Variants in MYRIP observed in about 807,000 individuals in gnomAD.
The protein encoded by MYRIP is rab effector MyRIP.
A neutral mutation model predicts 98.0 loss-of-function variants in MYRIP; 49 were observed. The observed-to-expected ratio is 0.50, with a 90% CI of 0.40 to 0.63. MYRIP has a LOEUF of 0.63. Ranked by LOEUF, MYRIP falls within the 30% of genes least tolerant of loss-of-function variation. The probability of loss-of-function intolerance (pLI) is 0.00; values close to 1 mark genes in which losing one functional copy is unlikely to be tolerated. For synonymous variants in MYRIP, 404 were observed against 409.5 expected (o/e 0.99, Z 0.16); for missense variants, 1,004 against 1,058.2 (o/e 0.95, Z 0.71).
At chr3:39,928,706 A>G (rs1944472832) in intron 2 of MYRIP, among the ~76,000 whole-genome samples, 1 of 151,950 alleles carries the variant, frequency 6.6e-6, no homozygotes, top group African/African-American at 2.4e-5. Context: ...AGCATGTACA[A>G]AAAACCTACA....
rs372208249 is a variant in MYRIP at position 40,216,041 on chromosome 3, T to C, written c.1905+5948T>C. ...CTGCCAGGCCAGGAAGATAGAGTTC[T>C]AGGTTCTCTTTTGGATCTTCAAAAG... On this transcript the variant is annotated intron_variant, in intron 11 of 16. Coordinates refer to ENST00000302541, the MANE Select transcript of MYRIP (RefSeq NM_015460.4). 3.7e-4 allele frequency among the ~76,000 whole-genome samples: 57 copies of C among 152,368 alleles called. 1 individual carries two copies. The highest frequency in any genetic ancestry group is 1.3e-3 in the African/African-American group (55 of 41,592).
At chr3:40,107,173 T>G (rs1949065206) in intron 3 of MYRIP, among the ~76,000 whole-genome samples, 1 of 152,190 alleles carries the variant, frequency 6.6e-6, no homozygotes, top group African/African-American at 2.4e-5. Flanking sequence ...CTGCAAGTAG[T>G]TATTGAATAC....
At chr3:40,186,638 C>G (rs1018707061) in intron 9 of MYRIP, among the ~76,000 whole-genome samples, 1 of 152,156 alleles carries the variant, frequency 6.6e-6, no homozygotes, top group Non-Finnish European at 1.5e-5. Flanking sequence ...CTGGGGCAGG[C>G]AACACAGGCT....
intron 2 of MYRIP, among the ~76,000 whole-genome samples, chr3:39,911,136 A>C (rs973323913): frequency 1.3e-5 from 2 of 152,248 alleles, no homozygotes; most frequent in Non-Finnish European, 2.9e-5. Flanking sequence ...CAAATACTTC[A>C]TGACCTTTGA....
At chr3:39,994,368 C>A (rs1946276738) in intron 2 of MYRIP, among the ~76,000 whole-genome samples, 1 of 152,252 alleles carries the variant, frequency 6.6e-6, no homozygotes, top group African/African-American at 2.4e-5. Flanking sequence ...ATGGTCTTAG[C>A]AAATGGCACA....
chr3:40,210,240 G>T (rs1300520606), intron 11 of MYRIP, 147 bp downstream of exon 11: 1 of 1,026,804 alleles, frequency 9.7e-7, no homozygotes, highest in Non-Finnish European at 1.4e-6. Context: ...GAGCCTAAGA[G>T]AACCCTTCTT....
chr3:40,166,579 C>T (rs868248437), intron 5 of MYRIP, among the ~76,000 whole-genome samples: 32 of 151,994 alleles, frequency 2.1e-4, no homozygotes, highest in African/African-American at 6.8e-4. Context: ...GGAACCAGCT[C>T]AGTTATGGAG....
chr3:40,157,898 T>C (rs1256150518), intron 4 of MYRIP, among the ~76,000 whole-genome samples: 1 of 152,206 alleles, frequency 6.6e-6, no homozygotes, highest in Non-Finnish European at 1.5e-5. Flanking sequence ...TTTTCTTTAT[T>C]AGTCTTGCTA....
chr3:40,158,461 A>T (rs1950295492), intron 4 of MYRIP, among the ~76,000 whole-genome samples: 1 of 152,228 alleles, frequency 6.6e-6, no homozygotes, highest in African/African-American at 2.4e-5. Flanking sequence ...GCTGAAAAAA[A>T]TGTATATTCT....
intron 1 of MYRIP, among the ~76,000 whole-genome samples, chr3:39,884,399 A>G (rs1200564453): frequency 2.0e-5 from 3 of 152,084 alleles, no homozygotes; most frequent in East Asian, 1.9e-4. Flanking sequence ...GTGGCTGAAC[A>G]TTATTTTGGA....
At chr3:39,903,376 A>G (rs1943791678) in intron 2 of MYRIP, among the ~76,000 whole-genome samples, 1 of 152,154 alleles carries the variant, frequency 6.6e-6, no homozygotes, top group South Asian at 2.1e-4. Flanking sequence ...AAATTTTACA[A>G]TCTTGAATTA....
intron 3 of MYRIP, among the ~76,000 whole-genome samples, chr3:40,102,508 T>G (rs1308990351): frequency 6.6e-6 from 1 of 152,198 alleles, no homozygotes; most frequent in Non-Finnish European, 1.5e-5. Flanking sequence ...TTGTTTGTAT[T>G]TTAATGAGAT....
At chr3:39,875,811 T>C (rs1387460574) in intron 1 of MYRIP, among the ~76,000 whole-genome samples, 1 of 151,860 alleles carries the variant, frequency 6.6e-6, no homozygotes, top group African/African-American at 2.4e-5. Flanking sequence ...AAAAAATGTA[T>C]ATTCTGTTGA....
At chr3:40,093,134 A>G (rs1194774537) in intron 3 of MYRIP, among the ~76,000 whole-genome samples, 5 of 152,238 alleles carry the variant, frequency 3.3e-5, no homozygotes, top group Non-Finnish European at 4.4e-5. Context: ...GGGGACTTAC[A>G]TACAGAAGAG....
intron 3 of MYRIP, among the ~76,000 whole-genome samples, chr3:40,056,085 C>G (rs9832726): frequency 0.29 from 43,860 of 151,936 alleles, 6,362 homozygotes; most frequent in East Asian, 0.35. Context: ...GCACGTGTGA[C>G]AGGCATCCCT....
In MYRIP at chr3:39,842,492, G is replaced by C. The variant is rs115205396; in HGVS notation, c.-31+32576G>C. Reference sequence around the variant, plus strand: ...ACGGTTCTGTCTTGCTGCCGTTTCAGGTGCCACTGGGGTATGAAAGAAAAC... The same window carrying C: ...ACGGTTCTGTCTTGCTGCCGTTTCACGTGCCACTGGGGTATGAAAGAAAAC... On this transcript the variant is annotated intron_variant, in intron 1 of 16. Transcript: ENST00000302541. Among the ~76,000 whole-genome samples the C allele has an allele frequency of 2.6e-3, 398 of 152,268 alleles. 2 individuals carry two copies. The highest frequency in any genetic ancestry group is 9.3e-3 in the African/African-American group (387 of 41,564).
chr3:40,076,631 C>T (rs1948348147), intron 3 of MYRIP, among the ~76,000 whole-genome samples: 1 of 152,200 alleles, frequency 6.6e-6, no homozygotes, highest in Non-Finnish European at 1.5e-5. Context: ...TACAAAGGGC[C>T]TGGCCCAAAA....
rs1306091405 is a variant in MYRIP, at chr3:39,815,411, G to GTA, written c.-31+5496_-31+5497insAT. ...TTTCATCATATATATGTGTGTGTGT[G>GTA]TGTATGTATGTATATATATATACAC... On this transcript the variant is annotated intron_variant, in intron 1 of 16. Transcript: ENST00000302541. Among the ~76,000 whole-genome samples the GTA allele has an allele frequency of 2.6e-5, 4 of 151,948 alleles. No individual in the cohort carries two copies. The East Asian group carries it at 5.8e-4, about 22-fold the overall frequency.
At chr3:40,240,477 C>G (rs889907391) in intron 12 of MYRIP, among the ~76,000 whole-genome samples, 8 of 152,148 alleles carry the variant, frequency 5.3e-5, no homozygotes, top group Admixed American at 1.3e-4. Flanking sequence ...TTGCCTCACT[C>G]GGGAAGCGCA....
Sources: gnomAD v4.1 joint callset for allele counts (sites outside exome capture counted in the v4.1 genomes callset) on GRCh38, gnomAD v4.1.1 for gene constraint, MANE v1.5 for transcripts, NCBI Gene and HGNC (gene_info 2026-07-23, HGNC 2026-07-21) for gene names.